POU2F1: variants seen among roughly 807,000 people sequenced by gnomAD.
POU2F1 encodes POU domain, class 2, transcription factor 1.
In POU2F1, 16 loss-of-function variants were observed where a neutral mutation model predicts 84.9. The ratio of observed to expected loss-of-function variants is 0.19; its 90% confidence interval spans 0.13 to 0.29. The LOEUF is 0.29. Ranked by LOEUF, POU2F1 falls within the 10% of genes least tolerant of loss-of-function variation. POU2F1 has a pLI of 1.00. For synonymous variants in POU2F1, 368 were observed against 368.3 expected, an observed-to-expected ratio of 1.00 and a Z score of 0.01; for missense variants, 738 against 942.6, an observed-to-expected ratio of 0.78 and a Z score of 2.84.
intron 1 of POU2F1, among the ~76,000 whole-genome samples, chr1:167,314,026 G>A (rs901400054): frequency 2.6e-5 from 4 of 151,924 alleles, no homozygotes; most frequent in East Asian, 3.9e-4. Context: ...GTGAAACCTC[G>A]TCTCTACTGA....
intron 2 of POU2F1, chr1:167,357,363 C>A (rs1459449680): frequency 1.4e-4 from 1 of 7,042 alleles, no homozygotes; most frequent in Non-Finnish European, 4.7e-4. Flanking sequence ...CACGCCTCCC[C>A]CCCCACCCCC....
intron 2 of POU2F1, among the ~76,000 whole-genome samples, chr1:167,348,401 G>A (rs1416900216): frequency 2.0e-5 from 3 of 152,082 alleles, no homozygotes; most frequent in African/African-American, 7.2e-5. Context: ...GTTAAACATA[G>A]AATTACCGCC....
At chr1:167,351,396 T>C (rs549230575) in intron 2 of POU2F1, among the ~76,000 whole-genome samples, 1 of 151,658 alleles carries the variant, frequency 6.6e-6, no homozygotes, top group Admixed American at 6.6e-5. Context: ...CACATGCCTG[T>C]AATCCCAACT....
At chr1:167,394,792 A>T (rs2101903661) in intron 9 of POU2F1, among the ~76,000 whole-genome samples, 1 of 152,308 alleles carries the variant, frequency 6.6e-6, no homozygotes, top group Admixed American at 6.5e-5. Flanking sequence ...TAAACTTTTT[A>T]TCAGAAGTTG....
At chr1:167,354,582 A>G (rs1437738905) in intron 2 of POU2F1, among the ~76,000 whole-genome samples, 1 of 152,158 alleles carries the variant, frequency 6.6e-6, no homozygotes, top group Non-Finnish European at 1.5e-5. Flanking sequence ...GTGAGTACCC[A>G]GAGTATTTTC....
chr1:167,240,455 G>A (rs768030005), intron 1 of POU2F1, among the ~76,000 whole-genome samples: 4 of 152,104 alleles, frequency 2.6e-5, no homozygotes, highest in South Asian at 4.1e-4. Flanking sequence ...TTATATACTC[G>A]TGGGTAATTT....
intron 1 of POU2F1, among the ~76,000 whole-genome samples, chr1:167,223,007 A>G (rs187221749): frequency 5.9e-5 from 9 of 152,226 alleles, no homozygotes; most frequent in African/African-American, 1.2e-4. Flanking sequence ...TAGAAATTCC[A>G]ATTAACAACA....
At chr1:167,401,030 C>A (rs1028502811) in intron 12 of POU2F1, among the ~76,000 whole-genome samples, 1 of 151,970 alleles carries the variant, frequency 6.6e-6, no homozygotes, top group Admixed American at 6.6e-5. Flanking sequence ...CAAAACTAAT[C>A]CGTTTTTTTT....
intron 7 of POU2F1, among the ~76,000 whole-genome samples, chr1:167,378,038 A>G (rs1404120443): frequency 6.6e-6 from 1 of 152,202 alleles, no homozygotes; most frequent in Non-Finnish European, 1.5e-5. Flanking sequence ...TTTATGGCAG[A>G]AAAATTTATA....
intron 1 of POU2F1, among the ~76,000 whole-genome samples, chr1:167,316,158 A>G (rs1001843259): frequency 3.3e-5 from 5 of 152,226 alleles, no homozygotes; most frequent in Non-Finnish European, 5.9e-5. Context: ...GATTGCAATG[A>G]TAGTTACATG....
chr1:167,409,715 CAGTT>C (rs760179897), intron 13 of POU2F1, among the ~76,000 whole-genome samples: 9 of 152,026 alleles, frequency 5.9e-5, no homozygotes, highest in Non-Finnish European at 1.2e-4. Flanking sequence ...TTTAAGAAAA[CAGTT>C]GGTGAATGAT....
chr1:167,252,638 G>A (rs1412716760), intron 1 of POU2F1, among the ~76,000 whole-genome samples: 6 of 152,170 alleles, frequency 3.9e-5, no homozygotes, highest in Admixed American at 3.3e-4. Context: ...TAGTTAAGGT[G>A]CAGCTTTTAT....
At chr1:167,221,386 C>G (rs1469625889) in intron 1 of POU2F1, among the ~76,000 whole-genome samples, 1 of 149,582 alleles carries the variant, frequency 6.7e-6, no homozygotes, top group Non-Finnish European at 1.5e-5. Flanking sequence ...GCTGCTGGGC[C>G]GGCGGGGCGC....
chr1:167,275,787 C>T (rs1301852598), intron 1 of POU2F1, among the ~76,000 whole-genome samples: 1 of 152,162 alleles, frequency 6.6e-6, no homozygotes, highest in Non-Finnish European at 1.5e-5. Context: ...AAGACTGCTA[C>T]ATCCTAAAAA....
intron 2 of POU2F1, chr1:167,357,361 C>G: frequency 1.6e-4 from 1 of 6,212 alleles, no homozygotes; most frequent in Non-Finnish European, 5.8e-4. Context: ...CCCACGCCTC[C>G]CCCCCCACCC....
chr1:167,227,516 A>C (rs1648728698), intron 1 of POU2F1, among the ~76,000 whole-genome samples: 1 of 152,186 alleles, frequency 6.6e-6, no homozygotes, highest in Non-Finnish European at 1.5e-5. Context: ...TATATGGAAA[A>C]GTGACTTAGG....
chr1:167,332,581 C>A, intron 2 of POU2F1, 46 bp downstream of exon 2: 1 of 1,474,582 alleles, frequency 6.8e-7, no homozygotes, highest in Non-Finnish European at 9.5e-7. Flanking sequence ...TAGTAGAGCA[C>A]AAAGAAGAAA....
intron 1 of POU2F1, among the ~76,000 whole-genome samples, chr1:167,258,117 A>T (rs1651284933): frequency 6.6e-6 from 1 of 152,150 alleles, no homozygotes; most frequent in South Asian, 2.1e-4. Context: ...GCTGAGATGT[A>T]AACATAGGCA....
chr1:167,309,914 A>G (rs1287610041), intron 1 of POU2F1, among the ~76,000 whole-genome samples: 1 of 152,200 alleles, frequency 6.6e-6, no homozygotes, highest in African/African-American at 2.4e-5. Flanking sequence ...TCATTTATGA[A>G]GAACAATAAG....
Sources: gnomAD v4.1 joint callset for allele counts (sites outside exome capture counted in the v4.1 genomes callset) on GRCh38, gnomAD v4.1.1 for gene constraint, MANE v1.5 for transcripts, NCBI Gene and HGNC (gene_info 2026-07-23, HGNC 2026-07-21) for gene names.